The following SLC25A31 variants were observed in gnomAD, a reference collection of about 807,000 sequenced individuals.
SLC25A31 encodes the protein ADP/ATP translocase 4.
In SLC25A31, 40 loss-of-function variants were observed where a neutral mutation model predicts 36.2. The observed-to-expected ratio is 1.10, with a 90% CI of 0.86 to 1.44. The LOEUF (loss-of-function observed/expected upper bound fraction) is 1.44. Ranked by LOEUF, SLC25A31 falls within the 40% of genes most tolerant of loss-of-function variation. The pLI, the probability that SLC25A31 is intolerant of heterozygous loss-of-function variation, is 0.00. For missense variants in SLC25A31, 350 were observed against 397.1 expected (o/e 0.88, Z 1.01); for synonymous variants, 143 against 149.7 (o/e 0.96, Z 0.32).
chr4:127,753,538 A>G (rs573258830), intron 2 of SLC25A31, among the ~76,000 whole-genome samples: 2 of 152,150 alleles, frequency 1.3e-5, no homozygotes. Flanking sequence ...TTTATGCCAT[A>G]TAAGTTATGA....
At position 127,768,857 on chromosome 4, in the gene SLC25A31, A is replaced by G. The variant is rs1170721062; in HGVS notation, c.739A>G (p.Arg247Gly). 1 of 1,599,646 alleles carries G rather than the reference A, an allele frequency of 6.3e-7. No individual in the cohort carries two copies. The highest frequency in any genetic ancestry group is 1.1e-5 in the South Asian group (1 of 86,988). The change falls in exon 5 of 6, where the codon AGA becomes GGA. Residue 247 changes from arginine to glycine, a missense_variant. Physicochemically the swap from Arg to Gly is moderately radical, Grantham distance 125 (BLOSUM62 -2). Coordinates refer to ENST00000281154, the MANE Select transcript of SLC25A31 (RefSeq NM_031291.4). ...ACTTTCTTATCCCTTTGACACAGTT[A>G]GAAGACGTATGATGATGCAGGTATT... ...GILSYPFDTV[R>G]RRMMMQSGEA...
intron 2 of SLC25A31, among the ~76,000 whole-genome samples, chr4:127,753,391 G>A (rs1317504280): frequency 6.6e-6 from 1 of 152,014 alleles, no homozygotes; most frequent in Admixed American, 6.6e-5. Flanking sequence ...CTAAGAGTGG[G>A]TTCTTTGAAC....
intron 1 of SLC25A31, among the ~76,000 whole-genome samples, chr4:127,735,888 ATT>A (rs1250183377): frequency 2.1e-5 from 1 of 47,850 alleles, no homozygotes; most frequent in African/African-American, 7.6e-5. Context: ...TTATTTATTT[ATT>A]TATTTATTTT....
intron 2 of SLC25A31, among the ~76,000 whole-genome samples, chr4:127,750,597 T>A (rs1380093959): frequency 1.3e-5 from 2 of 152,178 alleles, no homozygotes; most frequent in Non-Finnish European, 2.9e-5. Flanking sequence ...TACATAAATG[T>A]AAAATGTGAT....
intron 1 of SLC25A31, among the ~76,000 whole-genome samples, chr4:127,733,690 T>C (rs184441359): frequency 3.2e-4 from 48 of 152,328 alleles, no homozygotes; most frequent in African/African-American, 9.6e-4. Flanking sequence ...TTCTCTTTCT[T>C]TTTTGAAAGT....
chr4:127,749,968 C>T (rs966032043), intron 2 of SLC25A31, among the ~76,000 whole-genome samples: 3 of 152,022 alleles, frequency 2.0e-5, no homozygotes, highest in South Asian at 2.1e-4. Context: ...GAATTAATCA[C>T]GTGAGGTTAT....
intron 1 of SLC25A31, among the ~76,000 whole-genome samples, chr4:127,735,518 G>T (rs190659571): frequency 6.6e-6 from 1 of 151,710 alleles, no homozygotes; most frequent in Admixed American, 6.6e-5. Flanking sequence ...TGTCTCCCTG[G>T]TCCCTCCCTC....
At chr4:127,730,819 C>T in intron 1 of SLC25A31, 42 bp downstream of exon 1, 1 of 1,552,592 alleles carries the variant, frequency 6.4e-7, no homozygotes, top group Non-Finnish European at 8.8e-7. Flanking sequence ...TCCCGGCGCC[C>T]TCGTCAGCTT....
At chr4:127,748,517 G>A (rs535573286) in intron 2 of SLC25A31, among the ~76,000 whole-genome samples, 1 of 152,236 alleles carries the variant, frequency 6.6e-6, no homozygotes, top group Non-Finnish European at 1.5e-5. Flanking sequence ...ACACCCATCA[G>A]CACACCTAGT....
intron 2 of SLC25A31, among the ~76,000 whole-genome samples, chr4:127,745,050 AC>A (rs1183025123): frequency 6.6e-6 from 1 of 152,166 alleles, no homozygotes; most frequent in African/African-American, 2.4e-5. Flanking sequence ...TAAATATTAC[AC>A]TTAATGTAAT....
chr4:127,746,278 G>C (rs1731824912), intron 2 of SLC25A31, among the ~76,000 whole-genome samples: 1 of 152,092 alleles, frequency 6.6e-6, no homozygotes, highest in Non-Finnish European at 1.5e-5. Flanking sequence ...TCACATACAT[G>C]TGTCTTTATA....
chr4:127,766,164 GT>G (rs1732238985), intron 3 of SLC25A31, among the ~76,000 whole-genome samples: 1 of 128,390 alleles, frequency 7.8e-6, no homozygotes, highest in Non-Finnish European at 1.7e-5. Context: ...TTTTTTTTTT[GT>G]TTTTTGTTTT....
At chr4:127,735,879 TATTTATTTATTTA>T (rs1560630401) in intron 1 of SLC25A31, among the ~76,000 whole-genome samples, 23 of 72,340 alleles carry the variant, frequency 3.2e-4, no homozygotes, top group African/African-American at 1.0e-3. Context: ...TTTATTTATT[TATTTATTTATTTA>T]TTTATTTTTT....
intron 2 of SLC25A31, among the ~76,000 whole-genome samples, chr4:127,752,434 G>A (rs1023976534): frequency 6.6e-6 from 1 of 152,056 alleles, no homozygotes; most frequent in African/African-American, 2.4e-5. Flanking sequence ...TAGGGGGAGG[G>A]GGGAGGATAG....
chr4:127,757,891 T>G (rs988233403), intron 2 of SLC25A31, among the ~76,000 whole-genome samples: 3 of 152,204 alleles, frequency 2.0e-5, no homozygotes, highest in Non-Finnish European at 2.9e-5. Flanking sequence ...TAGTCCATTT[T>G]CATGCTGCTG....
chr4:127,743,884 C>T (rs1003894341), intron 1 of SLC25A31, among the ~76,000 whole-genome samples: 8 of 152,162 alleles, frequency 5.3e-5, no homozygotes, highest in African/African-American at 1.9e-4. Flanking sequence ...TGGGTATTCT[C>T]CGAACTGGTG....
chr4:127,749,884 C>T (rs553008419), intron 2 of SLC25A31, among the ~76,000 whole-genome samples: 11 of 152,038 alleles, frequency 7.2e-5, no homozygotes, highest in African/African-American at 2.7e-4. Flanking sequence ...AATAAATTAA[C>T]AAAGAATACT....
At chr4:127,745,284 G>A (rs1342582589) in intron 2 of SLC25A31, among the ~76,000 whole-genome samples, 1 of 145,366 alleles carries the variant, frequency 6.9e-6, no homozygotes, top group Non-Finnish European at 1.5e-5. Context: ...TTAAACTAGA[G>A]AATTCTTTTT....
chr4:127,730,614 C>T lies in SLC25A31; in HGVS notation c.69C>T (p.Asp23=), dbSNP rs1253080961. The T allele has an allele frequency of 3.1e-6, 5 of 1,613,956 alleles. No individual in the cohort carries two copies. The African/African-American group carries it at 5.3e-5, about 17-fold the overall frequency. Residue 23 remains aspartate (D), a synonymous_variant, in exon 1 of 6, where the codon GAC becomes GAT. Coordinates refer to ENST00000281154, the MANE Select transcript of SLC25A31 (RefSeq NM_031291.4). ...RLFDASSFGK[D]LLAGGVAAAV... ...TTGACGCCTCATCCTTCGGGAAGGACCTTCTGGCCGGCGGAGTCGCGGCAG... is the reference window on the plus strand; with the variant it reads ...TTGACGCCTCATCCTTCGGGAAGGATCTTCTGGCCGGCGGAGTCGCGGCAG...
Sources: allele counts gnomAD v4.1 joint callset (sites outside exome capture counted in the v4.1 genomes callset), GRCh38; gene constraint gnomAD v4.1.1; transcripts MANE v1.5; gene names NCBI Gene and HGNC (gene_info 2026-07-23, HGNC 2026-07-21).